The following NOBOX variants were observed in gnomAD, a reference collection of about 807,000 sequenced individuals.
The protein encoded by NOBOX is NOBOX oogenesis homeobox, also known as homeobox protein NOBOX.
A neutral mutation model predicts 60.2 loss-of-function variants in NOBOX; 46 were observed. The ratio of observed to expected loss-of-function variants is 0.76; its 90% CI spans 0.60 to 0.98. The LOEUF (loss-of-function observed/expected upper bound fraction) is 0.98. Ranked by LOEUF, NOBOX falls within the 50% of genes least tolerant of loss-of-function variation. NOBOX has a pLI of 0.00. For missense variants in NOBOX, 880 were observed against 865.5 expected (o/e 1.02, Z -0.21); for synonymous variants, 360 against 346.3 (o/e 1.04, Z -0.44).
rs2128860678 is a variant in NOBOX, at chr7:144,397,437, C to A, written c.1879G>T (p.Asp627Tyr). ...TGGGGGCAGGGAGTTGGAAATAGAT[C>A]AGGAAAGTAGCCATCCCCTCCTGGG... The change falls in exon 10 of 10, where the codon GAT (aspartate) becomes TAT (tyrosine). Residue 627 changes from aspartate (D) to tyrosine (Y), a missense_variant. By Grantham distance (160) the Asp-to-Tyr change is radical. Transcript: ENST00000467773. The A allele has an allele frequency of 6.5e-7, 1 of 1,537,222 alleles. No homozygotes were observed.
chr7:144,407,604 C>G (rs1278856791), intron 1 of NOBOX, among the ~76,000 whole-genome samples: 1 of 152,162 alleles, frequency 6.6e-6, no homozygotes, highest in Non-Finnish European at 1.5e-5. Context: ...TACTGGGGAC[C>G]GATGACAGGG....
At chr7:144,403,926 C>T (rs1485863685) in intron 2 of NOBOX, among the ~76,000 whole-genome samples, 1 of 152,028 alleles carries the variant, frequency 6.6e-6, no homozygotes, top group Admixed American at 6.5e-5. Context: ...CCGCCTGCTC[C>T]GCTCCCCCCA....
chr7:144,399,330 T>G, intron 7 of NOBOX, 67 bp downstream of exon 5: 2 of 1,241,754 alleles, frequency 1.6e-6, no homozygotes, highest in Non-Finnish European at 1.2e-6. Context: ...CCCACCTCCA[T>G]CAAACAAGGC....
At chr7:144,399,541 C>G in intron 6 of NOBOX, 59 bp from the exon 5 acceptor site, 1 of 1,408,622 alleles carries the variant, frequency 7.1e-7, no homozygotes, top group South Asian at 1.2e-5. Context: ...GCACAGGTGC[C>G]TCATTGCCAG....
In NOBOX at chr7:144,400,283, G is replaced by A; in HGVS notation, c.874C>T (p.Gln292Ter). The change falls in exon 5 of 10, where the codon CAA becomes TAA. Residue 292 changes from glutamine to a stop codon, truncating the protein, a stop_gained. Transcript: ENST00000467773. LOFTEE classifies it high-confidence loss of function. ...TCACTGTCAGGATAGTGGTCTTCTTGGAATATCTTCTCTAGCTCCTCCAGC... is the reference window on the plus strand; with the variant it reads ...TCACTGTCAGGATAGTGGTCTTCTTAGAATATCTTCTCTAGCTCCTCCAGC... 6.2e-7 allele frequency: 1 copy of A among 1,614,020 alleles called. No individual in the cohort carries two copies.
chr7:144,401,569 A>C lies in NOBOX; in HGVS notation c.321T>G (p.Ala107=), dbSNP rs777764593. The change falls in exon 4 of 10, where the codon GCT becomes GCG. Residue 107 remains alanine (A), a synonymous_variant. Transcript: ENST00000467773. The surrounding 1 kb of genome is among the most constrained non-coding windows in gnomAD (Gnocchi z 4.2). ...GCAGTTCCTCCTCCCCGGGTCCTGC[A>C]GCCAGGGGCTTCTCTCCAGCTTTCT... The C allele has an allele frequency of 1.2e-5, 18 of 1,509,412 alleles. No homozygotes were observed. The South Asian group carries it at 2.3e-4, about 20-fold the overall frequency. 93.5% of individuals were successfully genotyped at this position (1,509,412 alleles called of 1,614,324 possible).
chr7:144,408,882 C>T (rs1229797141), intron 1 of NOBOX, among the ~76,000 whole-genome samples: 1 of 152,108 alleles, frequency 6.6e-6, no homozygotes, highest in Non-Finnish European at 1.5e-5. Context: ...AGTCTACACA[C>T]AAGATAAAAC....
downstream of NOBOX, chr7:144,397,230 G>C: frequency 6.6e-7 from 1 of 1,520,842 alleles, no homozygotes; most frequent in Non-Finnish European, 8.8e-7. Context: ...TTCACTCTTT[G>C]ACCCCCCAAC....
In NOBOX at chr7:144,400,214, G is replaced by T. The variant is rs1297060863; in HGVS notation, c.943C>A (p.Arg315Ser). Residue 315 changes from arginine to serine, a missense_variant, in exon 5 of 10, where the codon CGC becomes AGC. By Grantham distance (110) the Arg-to-Ser change is moderately radical. Coordinates refer to ENST00000467773, the MANE Select transcript of NOBOX (RefSeq NM_001080413.3). The stretch of plus-strand genomic sequence containing the variant: ...GAGCCGGCCCCCTTTACCATGATGC[G>T]CTGGGGGGTCACCCCCACCGTCTGG... 1 of 1,614,024 alleles carries T rather than the reference G, an allele frequency of 6.2e-7. No individual in the cohort carries two copies. The highest frequency in any genetic ancestry group is 8.5e-7 in the Non-Finnish European group (1 of 1,179,894).
intron 1 of NOBOX, among the ~76,000 whole-genome samples, chr7:144,406,996 A>G (rs10232277): frequency 6.7e-6 from 1 of 148,618 alleles, no homozygotes; most frequent in South Asian, 2.2e-4. Context: ...ATTTTTTTTT[A>G]ATTTTTAATT....
chr7:144,409,413 A>C (rs1040758595), intron 1 of NOBOX, among the ~76,000 whole-genome samples: 6 of 152,250 alleles, frequency 3.9e-5, no homozygotes, highest in Non-Finnish European at 1.5e-5. Flanking sequence ...TCGGTTATTA[A>C]CAATTTGGCA....
In NOBOX at chr7:144,404,692, G is replaced by C. The variant is rs376059103; in HGVS notation, c.86-12C>G. ...AGCCAGGGGCGGCCCTGCCAGGGACGGTGTGGTTACTGTGTTTCCATCCAT... is the reference window on the plus strand; with the variant it reads ...AGCCAGGGGCGGCCCTGCCAGGGACCGTGTGGTTACTGTGTTTCCATCCAT... On this transcript the variant is annotated splice_polypyrimidine_tract_variant and intron_variant, in intron 1 of 9. Coordinates refer to ENST00000467773, the MANE Select transcript of NOBOX (RefSeq NM_001080413.3). 6.6e-5 allele frequency: 107 copies of C among 1,612,894 alleles called. No homozygotes were observed. The highest frequency in any genetic ancestry group is 8.8e-5 in the Non-Finnish European group (104 of 1,179,512).
intron 1 of NOBOX, among the ~76,000 whole-genome samples, chr7:144,408,570 A>G (rs775086249): frequency 2.0e-4 from 30 of 152,186 alleles, no homozygotes; most frequent in Non-Finnish European, 3.2e-4. Context: ...CATCTTATTG[A>G]AGAAAATGTA....
chr7:144,407,803 C>T (rs2053996359), intron 1 of NOBOX, among the ~76,000 whole-genome samples: 1 of 152,246 alleles, frequency 6.6e-6, no homozygotes, highest in Non-Finnish European at 1.5e-5. Flanking sequence ...AGCGTTGTAA[C>T]TTCTAATGCC....
rs775041573 is a variant in NOBOX at position 144,401,869 on chromosome 7, C to A, written c.292G>T (p.Gly98Cys). ...TATCTCCTAATTTGGGGGTACTCAC[C>A]CCTTGTGAGTTCCCTTTTCCCAGAC... Residue 98 changes from glycine (G) to cysteine (C), a missense_variant and splice_region_variant, in exon 3 of 10, where the codon GGC becomes TGC. Physicochemically the swap from Gly to Cys is radical, Grantham distance 159. Coordinates refer to ENST00000467773, the MANE Select transcript of NOBOX (RefSeq NM_001080413.3). This position sits in a 1 kb window ranked among gnomAD's most constrained non-coding sequence, Gnocchi z 4.2. 6.3e-6 allele frequency: 10 copies of A among 1,586,114 alleles called. No homozygotes were observed. The highest frequency in any genetic ancestry group is 1.7e-5 in the Admixed American group (1 of 59,940).
chr7:144,408,145 C>A (rs369450375), intron 1 of NOBOX, among the ~76,000 whole-genome samples: 3 of 152,170 alleles, frequency 2.0e-5, no homozygotes, highest in African/African-American at 4.8e-5. Context: ...AAGTCTCCCC[C>A]ACTCTTCCAG....
In NOBOX at chr7:144,397,494, C is replaced by T; in HGVS notation, c.1822G>A (p.Gly608Ser). The T allele has an allele frequency of 6.5e-7, 1 of 1,536,314 alleles. No homozygotes were observed. Among genetic ancestry groups the T allele is most frequent in the African/African-American group, 1.4e-5 (1 of 73,124 alleles). The change falls in exon 10 of 10, where the codon GGT (glycine) becomes AGT (serine). Residue 608 changes from glycine (G) to serine (S), a missense_variant. Transcript: ENST00000467773. ...CCCAGAGCTTGTGGGCAGAACGGAC[C>T]AGGGAAGGGCAGCTCTGGCAAACAG... is the stretch of plus-strand genomic sequence containing the variant.
rs1563129022 is a variant in NOBOX, at chr7:144,401,280, C to T, written c.610G>A (p.Gly204Arg). The change falls in exon 4 of 10, where the codon GGG becomes AGG. Residue 204 changes from glycine (G) to arginine (R), a missense_variant. By Grantham distance (125) the Gly-to-Arg change is moderately radical. Coordinates refer to ENST00000467773, the MANE Select transcript of NOBOX (RefSeq NM_001080413.3). This position sits in a 1 kb window ranked among gnomAD's most constrained non-coding sequence, Gnocchi z 4.2. ...ATGGCATTAGGCTTTTTCTGCTTCC[C>T]GGGGGCTGGAGAATAGGACCTCTTT... The T allele has an allele frequency of 1.2e-5, 20 of 1,613,378 alleles. No individual in the cohort carries two copies. Among genetic ancestry groups the T allele is most frequent in the South Asian group, 6.6e-5 (6 of 90,940 alleles).
chr7:144,397,594 A>G, intron 9 of NOBOX, 53 bp from the exon 8 acceptor site: 1 of 1,400,018 alleles, frequency 7.1e-7, no homozygotes, highest in Non-Finnish European at 9.5e-7. Context: ...AGTATCAACT[A>G]TCATTAACAG....
Sources: allele counts gnomAD v4.1 joint callset (sites outside exome capture counted in the v4.1 genomes callset), GRCh38; gene constraint gnomAD v4.1.1; non-coding constraint Gnocchi (gnomAD v3.1); transcripts MANE v1.5; gene names NCBI Gene and HGNC (gene_info 2026-07-23, HGNC 2026-07-21).